The following SAMD12 variants were observed in gnomAD, a reference collection of about 807,000 sequenced individuals.
The protein encoded by SAMD12 is sterile alpha motif domain-containing protein 12.
In SAMD12, 9 loss-of-function variants were observed where a neutral mutation model predicts 15.0. That is an observed-to-expected ratio of 0.60 (90% confidence interval 0.36 to 1.05). The LOEUF (loss-of-function observed/expected upper bound fraction) is 1.05, where lower values mean the gene tolerates loss of function less well. Ranked by LOEUF, SAMD12 falls within the 50% of genes least tolerant of loss-of-function variation. The probability of loss-of-function intolerance (pLI) is 0.01; values close to 1 mark genes in which losing one functional copy is unlikely to be tolerated. For synonymous variants in SAMD12, 86 were observed against 90.1 expected (o/e 0.96, Z 0.25); for missense variants, 230 against 234.2 (o/e 0.98, Z 0.12).
chr8:118,350,337 G>C lies in SAMD12; in HGVS notation c.433+29223C>G, dbSNP rs117717399. 1.6e-3 allele frequency among the ~76,000 whole-genome samples: 245 copies of C among 152,242 alleles called. 1 individual carries two copies. In the East Asian group the frequency reaches 0.017, roughly 10 times the overall value. Reference sequence around the variant, plus strand: ...CCTCATCATGCTGTGGTTTGTCATGGTTTAACCATGCACCAGTGTATGTCA... The same window carrying C: ...CCTCATCATGCTGTGGTTTGTCATGCTTTAACCATGCACCAGTGTATGTCA... On this transcript the variant is annotated intron_variant, in intron 4 of 4. Transcript: ENST00000409003.
rs1178018829 is a variant in SAMD12 at position 118,422,622 on chromosome 8, G to C, written c.322+17210C>G. Reference sequence around the variant, plus strand: ...TTAGGAATTGTGACGTTATTCAGTAGGCATTAATTCTCAATAAGCAGGAAG... The same window carrying C: ...TTAGGAATTGTGACGTTATTCAGTACGCATTAATTCTCAATAAGCAGGAAG... On this transcript the variant is annotated intron_variant, in intron 3 of 3. Transcript: ENST00000314727. 2.6e-5 allele frequency among the ~76,000 whole-genome samples: 4 copies of C among 152,172 alleles called. 1 individual carries two copies. The highest frequency in any genetic ancestry group is 9.7e-5 in the African/African-American group (4 of 41,436).
At chr8:118,469,996 C>T (rs151266750) in intron 2 of SAMD12, among the ~76,000 whole-genome samples, 1,927 of 152,148 alleles carry the variant, frequency 0.013, 18 homozygotes, top group Non-Finnish European at 0.021. Context: ...TATATACACA[C>T]GCACATACAT....
chr8:118,296,437 T>C (rs1361935400), intron 4 of SAMD12, among the ~76,000 whole-genome samples: 3 of 152,248 alleles, frequency 2.0e-5, no homozygotes, highest in Non-Finnish European at 4.4e-5. Context: ...TCTTCTCTTA[T>C]GTGCTTAGCA....
intron 2 of SAMD12, among the ~76,000 whole-genome samples, chr8:118,464,722 CTT>C (rs550206245): frequency 6.8e-6 from 1 of 148,052 alleles, no homozygotes; most frequent in Non-Finnish European, 1.5e-5. Context: ...AAATTCAACT[CTT>C]TTTTTTTTAT....
intron 2 of SAMD12, among the ~76,000 whole-genome samples, chr8:118,552,550 T>C (rs1276090827): frequency 1.3e-5 from 2 of 152,198 alleles, no homozygotes; most frequent in African/African-American, 4.8e-5. Flanking sequence ...AAGAGCTATC[T>C]ATGACAAACC....
chr8:118,511,646 AG>A (rs1825084911), intron 2 of SAMD12, among the ~76,000 whole-genome samples: 1 of 152,132 alleles, frequency 6.6e-6, no homozygotes, highest in Non-Finnish European at 1.5e-5. Flanking sequence ...TTTAAAGTAA[AG>A]GGGGTAAAAG....
At chr8:118,189,504 A>G (rs1010905995) in exon 5 of SAMD12, 1 of 152,218 alleles carries the variant, frequency 6.6e-6, no homozygotes, top group Non-Finnish European at 1.5e-5. Flanking sequence ...CCATGCACAT[A>G]AGGAGTCAAG....
intron 2 of SAMD12, among the ~76,000 whole-genome samples, chr8:118,577,422 C>T (rs1278276557): frequency 1.3e-5 from 2 of 152,148 alleles, no homozygotes; most frequent in African/African-American, 2.4e-5. Context: ...CTACAATCCT[C>T]CCCCAATCCA....
At position 118,272,278 on chromosome 8, in the gene SAMD12, C is replaced by G. The variant is rs547275717; in HGVS notation, c.434-74546G>C. Among the ~76,000 whole-genome samples, 28 of 152,346 alleles carry G rather than the reference C, an allele frequency of 1.8e-4. No homozygotes were observed. The South Asian group carries it at 5.8e-3, about 32-fold the overall frequency. ...TCTTAAGCAAGAGCCTGAGCTGTAC[C>G]TTGACCCCTTTTAGCCATAGCTGGA... On this transcript the variant is annotated intron_variant, in intron 4 of 4. Transcript: ENST00000409003.
At chr8:118,608,483 G>A (rs369370576) in intron 1 of SAMD12, among the ~76,000 whole-genome samples, 9 of 151,976 alleles carry the variant, frequency 5.9e-5, no homozygotes, top group Non-Finnish European at 8.8e-5. Flanking sequence ...AGACGTGTAC[G>A]TAGAAGGATA....
At chr8:118,304,458 A>C (rs572609782) in intron 4 of SAMD12, among the ~76,000 whole-genome samples, 2 of 152,190 alleles carry the variant, frequency 1.3e-5, no homozygotes. Context: ...TTTGAAAAGC[A>C]TAAGAACCTC....
At chr8:118,550,359 G>C (rs188517757) in intron 2 of SAMD12, among the ~76,000 whole-genome samples, 10 of 152,332 alleles carry the variant, frequency 6.6e-5, no homozygotes, top group African/African-American at 1.7e-4. Flanking sequence ...CCAAAAGAGA[G>C]TGGGGGCCAA....
chr8:118,375,568 C>T (rs909247606), downstream of SAMD12: 6 of 152,192 alleles, frequency 3.9e-5, no homozygotes, highest in Middle Eastern at 3.4e-3. Flanking sequence ...CATACTGTAT[C>T]GAGTGATTTA....
intron 1 of SAMD12, among the ~76,000 whole-genome samples, chr8:118,597,721 T>A (rs971581369): frequency 2.6e-5 from 4 of 152,240 alleles, no homozygotes; most frequent in African/African-American, 7.2e-5. Context: ...TGACTCCTTG[T>A]CACTCAAGCC....
At chr8:118,613,251 A>G (rs1229983114) in intron 1 of SAMD12, among the ~76,000 whole-genome samples, 1 of 152,248 alleles carries the variant, frequency 6.6e-6, no homozygotes, top group Admixed American at 6.5e-5. Context: ...AAAAATCATG[A>G]AAGAGTGAGA....
intron 2 of SAMD12, among the ~76,000 whole-genome samples, chr8:118,493,395 C>T (rs931401737): frequency 3.9e-5 from 6 of 152,182 alleles, no homozygotes; most frequent in African/African-American, 1.4e-4. Context: ...TGCTTCTGCT[C>T]ATTTCTCATG....
chr8:118,254,686 A>G (rs1812893067), intron 4 of SAMD12, among the ~76,000 whole-genome samples: 2 of 151,878 alleles, frequency 1.3e-5, no homozygotes, highest in Admixed American at 1.3e-4. Context: ...GGCCTTTCTA[A>G]CACTCCGGGG....
chr8:118,531,535 C>T (rs1471788591), intron 2 of SAMD12, among the ~76,000 whole-genome samples: 11 of 152,108 alleles, frequency 7.2e-5, no homozygotes, highest in African/African-American at 1.4e-4. Flanking sequence ...GCCATTTTCA[C>T]GATATTGATT....
chr8:118,245,138 G>A (rs181379377), intron 4 of SAMD12, among the ~76,000 whole-genome samples: 2 of 152,100 alleles, frequency 1.3e-5, no homozygotes, highest in Admixed American at 1.3e-4. Context: ...GACCACCGCT[G>A]GCAAGCCATT....
Sources: gnomAD v4.1 joint callset for allele counts (sites outside exome capture counted in the v4.1 genomes callset) on GRCh38, gnomAD v4.1.1 for gene constraint, MANE v1.5 for transcripts, NCBI Gene and HGNC (gene_info 2026-07-23, HGNC 2026-07-21) for gene names.